The following KCNT2 variants were observed in gnomAD, a reference collection of about 807,000 sequenced individuals.
KCNT2 encodes the protein potassium sodium-activated channel subfamily T member 2, also known as potassium channel subfamily T member 2.
Under a neutral mutation model 153.8 loss-of-function variants are expected in KCNT2, and 67 were observed. The ratio of observed to expected loss-of-function variants is 0.44; its 90% CI spans 0.36 to 0.53. KCNT2 has a LOEUF of 0.53. KCNT2 is among the 20% of genes least tolerant of loss of function. The pLI, the probability that KCNT2 is intolerant of heterozygous loss-of-function variation, is 0.00. For missense variants in KCNT2, 975 were observed against 1,354.8 expected (o/e 0.72, Z 4.40); for synonymous variants, 500 against 458.8 (o/e 1.09, Z -1.15).
At chr1:196,502,269 A>T (rs1191111440) in intron 1 of KCNT2, among the ~76,000 whole-genome samples, 2 of 152,228 alleles carry the variant, frequency 1.3e-5, no homozygotes, top group Admixed American at 1.3e-4. Flanking sequence ...TTGCCATCTA[A>T]GTCTTTTCAT....
chr1:196,434,966 T>C (rs1674491092), intron 8 of KCNT2, among the ~76,000 whole-genome samples: 1 of 151,140 alleles, frequency 6.6e-6, no homozygotes, highest in Non-Finnish European at 1.5e-5. Flanking sequence ...CATCCTCCAT[T>C]TCTCCTCAGG....
chr1:196,536,194 A>G (rs546663776), intron 1 of KCNT2, among the ~76,000 whole-genome samples: 2 of 152,314 alleles, frequency 1.3e-5, no homozygotes, highest in South Asian at 4.1e-4. Context: ...CCAGGCAATA[A>G]CAGGTTACTA....
intron 13 of KCNT2, among the ~76,000 whole-genome samples, chr1:196,374,185 ATT>A (rs1244287352): frequency 1.3e-5 from 2 of 151,922 alleles, no homozygotes; most frequent in African/African-American, 4.8e-5. Flanking sequence ...GAAAATACAT[ATT>A]CTTAGGCAGA....
At chr1:196,496,841 G>A (rs1188741559) in intron 1 of KCNT2, among the ~76,000 whole-genome samples, 2 of 152,108 alleles carry the variant, frequency 1.3e-5, no homozygotes, top group African/African-American at 2.4e-5. Context: ...TAACTTGCAC[G>A]TTTGGCATAT....
chr1:196,364,984 A>G lies in KCNT2; in HGVS notation c.1403+8156T>C, dbSNP rs538618398. Among the ~76,000 whole-genome samples the G allele has an allele frequency of 2.7e-3, 408 of 152,182 alleles. 2 individuals are homozygous for G. The highest frequency in any genetic ancestry group is 9.4e-3 in the African/African-American group (390 of 41,568). ...GCTTCCCCTTACTTTTAATATATTT[A>G]TAAAATATAGCATTGGAATTCTTAA... On this transcript the variant is annotated intron_variant, in intron 14 of 27. Coordinates refer to ENST00000294725, the MANE Select transcript of KCNT2 (RefSeq NM_198503.5).
At chr1:196,266,509 A>C (rs1657556353) in intron 25 of KCNT2, among the ~76,000 whole-genome samples, 1 of 152,198 alleles carries the variant, frequency 6.6e-6, no homozygotes, top group South Asian at 2.1e-4. Context: ...TGAACCAATT[A>C]ATGACAAATT....
chr1:196,404,144 G>A (rs1030956055), intron 12 of KCNT2: 2 of 981,194 alleles, frequency 2.0e-6, no homozygotes, highest in African/African-American at 3.5e-5. Context: ...TGCATTTAGT[G>A]AGTTCTCAAA....
chr1:196,547,224 T>G (rs933307751), intron 1 of KCNT2, among the ~76,000 whole-genome samples: 1 of 151,940 alleles, frequency 6.6e-6, no homozygotes, highest in Non-Finnish European at 1.5e-5. Context: ...ATGCTCAGGG[T>G]GGGAGATACT....
intron 23 of KCNT2, among the ~76,000 whole-genome samples, chr1:196,283,359 C>T (rs563187783): frequency 1.8e-4 from 27 of 151,788 alleles, no homozygotes; most frequent in Middle Eastern, 3.4e-3. Flanking sequence ...GCGTGAACCC[C>T]GGGGGGCAGA....
intron 13 of KCNT2, among the ~76,000 whole-genome samples, chr1:196,385,770 AAAATAT>A (rs1558226522): frequency 7.0e-6 from 1 of 143,800 alleles, no homozygotes; most frequent in African/African-American, 2.7e-5. Context: ...CTGCATTAAA[AAAATAT>A]ATATATATAT....
chr1:196,485,684 C>T (rs1300411306), intron 3 of KCNT2, among the ~76,000 whole-genome samples: 1 of 151,580 alleles, frequency 6.6e-6, no homozygotes, highest in Non-Finnish European at 1.5e-5. Flanking sequence ...TCAAAGAGAT[C>T]TCCAATGGAA....
rs372577987 is a variant in KCNT2, at chr1:196,373,124, G to T, written c.1403+16C>A. The T allele has an allele frequency of 3.7e-5, 45 of 1,218,862 alleles. No individual in the cohort carries two copies. In the African/African-American group the frequency reaches 6.5e-4, roughly 18 times the overall value. 75.5% of individuals were successfully genotyped at this position (1,218,862 alleles called of 1,614,324 possible). ...ATATAATTTAAAAGGTTAACTTAAA[G>T]AAAAAATATACTTACTGCCCTCTAG... On this transcript the variant is annotated intron_variant, in intron 14 of 27. Coordinates refer to ENST00000294725, the MANE Select transcript of KCNT2 (RefSeq NM_198503.5).
At chr1:196,450,225 T>C (rs1272406839) in intron 8 of KCNT2, among the ~76,000 whole-genome samples, 1 of 151,874 alleles carries the variant, frequency 6.6e-6, no homozygotes, top group African/African-American at 2.4e-5. Flanking sequence ...CCCTATATAA[T>C]GCCTCCCACT....
chr1:196,329,616 A>C, intron 18 of KCNT2, among the ~76,000 whole-genome samples: 1 of 151,692 alleles, frequency 6.6e-6, no homozygotes, highest in East Asian at 1.9e-4. Context: ...ATCCATAAAG[A>C]AAATAACAAC....
intron 14 of KCNT2, among the ~76,000 whole-genome samples, chr1:196,352,491 A>G (rs919939035): frequency 1.3e-5 from 2 of 152,028 alleles, no homozygotes; most frequent in Admixed American, 6.6e-5. Flanking sequence ...GTTTATTTGC[A>G]CAGAGGTGTT....
intron 12 of KCNT2, among the ~76,000 whole-genome samples, chr1:196,412,427 C>T (rs2148487925): frequency 6.6e-6 from 1 of 151,764 alleles, no homozygotes; most frequent in Middle Eastern, 3.4e-3. Flanking sequence ...AAGAAAGAAT[C>T]ATTTTTAAAA....
chr1:196,277,365 C>T (rs1036895894), intron 25 of KCNT2, among the ~76,000 whole-genome samples: 1 of 152,058 alleles, frequency 6.6e-6, no homozygotes, highest in African/African-American at 2.4e-5. Context: ...GGGCCTTCCA[C>T]GTGGGTTGGT....
chr1:196,509,162 G>A (rs1259431278), intron 1 of KCNT2, among the ~76,000 whole-genome samples: 1 of 151,546 alleles, frequency 6.6e-6, no homozygotes, highest in Non-Finnish European at 1.5e-5. Context: ...CTAGCTACTC[G>A]GGAGGCTGAG....
chr1:196,370,309 T>A (rs1216733047), intron 14 of KCNT2, among the ~76,000 whole-genome samples: 1 of 151,582 alleles, frequency 6.6e-6, no homozygotes, highest in African/African-American at 2.4e-5. Context: ...AGGAAAAAAA[T>A]TGAGAAGCAT....
Sources: allele counts gnomAD v4.1 joint callset (sites outside exome capture counted in the v4.1 genomes callset), GRCh38; gene constraint gnomAD v4.1.1; transcripts MANE v1.5; gene names NCBI Gene and HGNC (gene_info 2026-07-23, HGNC 2026-07-21).